Variants in TCF4 observed in about 807,000 individuals in gnomAD.
TCF4 encodes the protein transcription factor 4.
Under a neutral mutation model 82.1 loss-of-function variants are expected in TCF4, and 3 were observed. That is an observed-to-expected ratio of 0.04 (90% CI 0.02 to 0.09). The LOEUF (loss-of-function observed/expected upper bound fraction) is 0.09. Ranked by LOEUF, TCF4 falls within the 10% of genes least tolerant of loss-of-function variation. TCF4 has a pLI of 1.00. For synonymous variants in TCF4, 276 were observed against 309.6 expected, an observed-to-expected ratio of 0.89 and a Z score of 1.14; for missense variants, 518 against 852.7, an observed-to-expected ratio of 0.61 and a Z score of 4.89.
intron 1 of TCF4, 133 bp downstream of exon 1, chr18:55,587,905 T>A: frequency 1.3e-6 from 1 of 752,686 alleles, no homozygotes; most frequent in South Asian, 6.0e-5. Flanking sequence ...GGAAGGGGTG[T>A]CTCTTCTGGG....
intron 2 of TCF4, among the ~76,000 whole-genome samples, chr18:55,594,214 G>T (rs2097688562): frequency 6.6e-6 from 1 of 152,196 alleles, no homozygotes; most frequent in Admixed American, 6.5e-5. Flanking sequence ...TCTGGTCTCA[G>T]CTTAAACATC....
intron 5 of TCF4, chr18:55,403,882 T>C (rs894685753): frequency 6.9e-7 from 1 of 1,446,028 alleles, no homozygotes; most frequent in South Asian, 1.5e-5. Context: ...GTAATGACCC[T>C]AGCCTAGTAA....
intron 3 of TCF4, among the ~76,000 whole-genome samples, chr18:55,526,247 G>C (rs965946954): frequency 6.6e-6 from 1 of 152,028 alleles, no homozygotes; most frequent in East Asian, 1.9e-4. Context: ...ATCTAAAAAG[G>C]GTTTAGAACT....
chr18:55,510,682 A>G, intron 3 of TCF4: 3 of 1,470,396 alleles, frequency 2.0e-6, no homozygotes, highest in Non-Finnish European at 2.7e-6. Flanking sequence ...AAGTTTGTGA[A>G]CTGAGACCTC....
chr18:55,480,180 A>G (rs954333532), intron 3 of TCF4, among the ~76,000 whole-genome samples: 2 of 151,630 alleles, frequency 1.3e-5, no homozygotes, highest in African/African-American at 2.4e-5. Context: ...CTCATCTGTA[A>G]AATGGGAATG....
intron 3 of TCF4, among the ~76,000 whole-genome samples, chr18:55,579,018 T>C (rs1858521546): frequency 6.6e-6 from 1 of 151,772 alleles, no homozygotes; most frequent in Admixed American, 6.6e-5. Context: ...CCTTTATCTT[T>C]GAAATGAAAG....
intron 3 of TCF4, among the ~76,000 whole-genome samples, chr18:55,540,000 CTA>C (rs960246410): frequency 6.6e-6 from 1 of 151,730 alleles, no homozygotes; most frequent in African/African-American, 2.4e-5. Flanking sequence ...ACAAAACAGA[CTA>C]TGGTCCTCAG....
chr18:55,242,197 G>A (rs910224678), intron 15 of TCF4, among the ~76,000 whole-genome samples: 1 of 152,056 alleles, frequency 6.6e-6, no homozygotes, highest in Admixed American at 6.6e-5. Context: ...GTCACCTCAC[G>A]AGCTCACTAT....
intron 3 of TCF4, among the ~76,000 whole-genome samples, chr18:55,508,915 TA>T (rs1403523283): frequency 1.3e-5 from 2 of 152,222 alleles, no homozygotes; most frequent in Non-Finnish European, 2.9e-5. Flanking sequence ...AAACAAAATG[TA>T]AATCGTATTT....
chr18:55,279,308 T>G (rs1434836297), intron 9 of TCF4, among the ~76,000 whole-genome samples: 1 of 152,204 alleles, frequency 6.6e-6, no homozygotes, highest in African/African-American at 2.4e-5. Flanking sequence ...GCATCGGCTC[T>G]AAGTGAAGCA....
intron 3 of TCF4, among the ~76,000 whole-genome samples, chr18:55,478,894 T>C (rs1190420596): frequency 6.7e-6 from 1 of 150,128 alleles, no homozygotes; most frequent in Non-Finnish European, 1.5e-5. Context: ...ATGTTAAATA[T>C]TATATTGGTG....
chr18:55,250,037 G>C (rs1469629530), intron 15 of TCF4, among the ~76,000 whole-genome samples: 1 of 152,202 alleles, frequency 6.6e-6, no homozygotes, highest in African/African-American at 2.4e-5. Flanking sequence ...CTGAGGCAGA[G>C]AGGGAATCAT....
intron 2 of TCF4, among the ~76,000 whole-genome samples, chr18:55,616,181 A>G (rs963184133): frequency 2.0e-5 from 3 of 152,066 alleles, no homozygotes; most frequent in Admixed American, 1.3e-4. Flanking sequence ...CTCTGCTTCT[A>G]TGAATGTAAC....
At chr18:55,507,263 G>C (rs1451531437) in intron 3 of TCF4, among the ~76,000 whole-genome samples, 1 of 152,078 alleles carries the variant, frequency 6.6e-6, no homozygotes. Flanking sequence ...TTTGTGCTTT[G>C]GGGCCATAGT....
intron 2 of TCF4, among the ~76,000 whole-genome samples, chr18:55,612,345 G>A (rs564309963): frequency 2.0e-5 from 3 of 152,116 alleles, no homozygotes; most frequent in Non-Finnish European, 4.4e-5. Flanking sequence ...GAGGACCAAC[G>A]TAATGAAGTG....
At chr18:55,626,267 A>G (rs2097726457) in intron 2 of TCF4, among the ~76,000 whole-genome samples, 1 of 152,226 alleles carries the variant, frequency 6.6e-6, no homozygotes, top group Non-Finnish European at 1.5e-5. Flanking sequence ...CGGTTTTCCA[A>G]TTCCCATATA....
chr18:55,566,870 C>T (rs1008154814), intron 3 of TCF4, among the ~76,000 whole-genome samples: 5 of 152,066 alleles, frequency 3.3e-5, no homozygotes, highest in African/African-American at 1.2e-4. Context: ...GACATGAAGC[C>T]ACAGATGCAT....
chr18:55,526,788 A>G (rs937545545), intron 3 of TCF4, among the ~76,000 whole-genome samples: 9 of 152,120 alleles, frequency 5.9e-5, no homozygotes, highest in African/African-American at 1.9e-4. Flanking sequence ...CTAACCCTCA[A>G]CTGGATCCTA....
At chr18:55,569,116 C>T (rs1216745463) in intron 3 of TCF4, among the ~76,000 whole-genome samples, 1 of 151,454 alleles carries the variant, frequency 6.6e-6, no homozygotes, top group African/African-American at 2.4e-5. Context: ...ACATCAACAT[C>T]ACTATTCATG....
Sources: allele counts gnomAD v4.1 joint callset (sites outside exome capture counted in the v4.1 genomes callset), GRCh38; gene constraint gnomAD v4.1.1; transcripts MANE v1.5; gene names NCBI Gene and HGNC (gene_info 2026-07-23, HGNC 2026-07-21).